OPRPN: variants seen among roughly 807,000 people sequenced by gnomAD.
OPRPN encodes basic proline-rich lacrimal protein.
In OPRPN, 1 loss-of-function variant was observed where a neutral mutation model predicts 2.2. The ratio of observed to expected loss-of-function variants is 0.45; its 90% CI spans 0.16 to 2.15. The LOEUF is 2.15. Ranked by LOEUF, OPRPN falls within the 30% of genes most tolerant of loss-of-function variation. The probability of loss-of-function intolerance (pLI) is 0.28; values close to 1 mark genes in which losing one functional copy is unlikely to be tolerated. For synonymous variants in OPRPN, 126 were observed against 111.5 expected (o/e 1.13, Z -0.82); for missense variants, 306 against 297.3 (o/e 1.03, Z -0.21).
intron 2 of OPRPN, among the ~76,000 whole-genome samples, chr4:70,406,138 T>A (rs1219212221): frequency 6.6e-6 from 1 of 152,034 alleles, no homozygotes; most frequent in African/African-American, 2.4e-5. Context: ...TACAGAGACA[T>A]TGTTTGAAGA....
chr4:70,407,983 A>T (rs1733129030), intron 2 of OPRPN, among the ~76,000 whole-genome samples: 1 of 152,184 alleles, frequency 6.6e-6, no homozygotes, highest in African/African-American at 2.4e-5. Flanking sequence ...AGTAGAAGTG[A>T]GGTATAGATG....
intron 2 of OPRPN, among the ~76,000 whole-genome samples, chr4:70,400,214 C>A (rs956323822): frequency 4.6e-5 from 7 of 151,766 alleles, no homozygotes; most frequent in Admixed American, 3.9e-4. Context: ...TACAGAAATA[C>A]CAAAGTCGAA....
At position 70,399,336 on chromosome 4, in the gene OPRPN, A is replaced by G. The variant is rs1732925469; in HGVS notation, c.51A>G (p.Thr17=). 7 of 1,586,344 alleles carry G rather than the reference A, an allele frequency of 4.4e-6. No homozygotes were observed. Among genetic ancestry groups the G allele is most frequent in the Non-Finnish European group, 5.2e-6 (6 of 1,157,066 alleles). ...TGTTGGCTCTTATTTCATGTTTCAC[A>G]GTAAGTTCCCTCAATTCTAAATTTA... is the stretch of plus-strand genomic sequence containing the variant. The part of the protein sequence containing the change: ...LGLLALISCF[T]PSESQRFSRR... Residue 17 remains threonine, a splice_region_variant and synonymous_variant, in exon 2 of 3, where the codon ACA becomes ACG. Transcript: ENST00000399575.
intron 2 of OPRPN, among the ~76,000 whole-genome samples, chr4:70,406,094 A>G (rs1375759920): frequency 6.6e-6 from 1 of 152,152 alleles, no homozygotes; most frequent in Non-Finnish European, 1.5e-5. Flanking sequence ...AGAACCTCCA[A>G]CGTGCCAGAA....
At chr4:70,402,937 T>C (rs1733013718) in intron 2 of OPRPN, among the ~76,000 whole-genome samples, 1 of 152,074 alleles carries the variant, frequency 6.6e-6, no homozygotes, top group East Asian at 1.9e-4. Context: ...TCAGGTCTCA[T>C]GGGCTTTTGC....
At chr4:70,398,619 TATATTG>T (rs931290046) in intron 1 of OPRPN, among the ~76,000 whole-genome samples, 26 of 151,914 alleles carry the variant, frequency 1.7e-4, no homozygotes, top group Non-Finnish European at 3.1e-4. Context: ...GTGCTTCTTA[TATATTG>T]TTGAAAATTA....
At chr4:70,409,287 T>C (rs1222664496) in intron 2 of OPRPN, 93 bp from the exon 3 acceptor site, 29 of 922,848 alleles carry the variant, frequency 3.1e-5, no homozygotes, top group Non-Finnish European at 4.2e-5. Flanking sequence ...GTTTACATAG[T>C]AGATATATTA....
At chr4:70,400,124 G>T (rs574964050) in intron 2 of OPRPN, among the ~76,000 whole-genome samples, 1 of 151,894 alleles carries the variant, frequency 6.6e-6, no homozygotes, top group African/African-American at 2.4e-5. Context: ...GTGGGCTTGC[G>T]AGGAGAGAAA....
intron 2 of OPRPN, among the ~76,000 whole-genome samples, chr4:70,399,935 A>ATT (rs1180888368): frequency 6.6e-6 from 1 of 152,000 alleles, no homozygotes; most frequent in Non-Finnish European, 1.5e-5. Flanking sequence ...AAAAGAAGTC[A>ATT]TTTACTCAAG....
chr4:70,409,672 G>T lies in OPRPN; in HGVS notation c.344G>T (p.Gly115Val). The T allele has an allele frequency of 6.2e-7, 1 of 1,613,728 alleles. No homozygotes were observed. Among genetic ancestry groups the T allele is most frequent in the Non-Finnish European group, 8.5e-7 (1 of 1,179,870 alleles). ...LHFPLRPYYV[G>V]PIRILKPPFP... ...TTCCCACTAAGACCTTACTATGTAGGACCTATTAGGATATTAAAACCCCCA... is the reference window on the plus strand; with the variant it reads ...TTCCCACTAAGACCTTACTATGTAGTACCTATTAGGATATTAAAACCCCCA... The change falls in exon 3 of 3, where the codon GGA becomes GTA. Residue 115 changes from glycine (G) to valine (V), a missense_variant. Physicochemically the swap from Gly to Val is moderately radical, Grantham distance 109 (BLOSUM62 -3). Transcript: ENST00000399575.
intron 2 of OPRPN, among the ~76,000 whole-genome samples, chr4:70,406,469 G>A (rs1030573697): frequency 6.6e-6 from 1 of 152,160 alleles, no homozygotes; most frequent in Non-Finnish European, 1.5e-5. Context: ...AATTTTGGCT[G>A]ATTTTATATT....
Position 70,401,959 on chromosome 4 carries a change from T to C in OPRPN, c.51+2623T>C, listed in dbSNP as rs543710927. ...TCTGGCAGTTTCTAATCCTTAAGAA[T>C]AGGAAATAGAAGTTTAAAAAAAGTA... On this transcript the variant is annotated intron_variant, in intron 2 of 2. Coordinates refer to ENST00000399575, the MANE Select transcript of OPRPN (RefSeq NM_021225.5). Among the ~76,000 whole-genome samples the C allele has an allele frequency of 2.8e-4, 42 of 152,048 alleles. 3 individuals carry two copies. The Middle Eastern group carries it at 0.027, about 99-fold the overall frequency.
In OPRPN at chr4:70,409,304, A is replaced by G. The variant is rs1577885425; in HGVS notation, c.52-76A>G. The stretch of plus-strand genomic sequence containing the variant: ...TTACATAGTAGATATATTAATACAT[A>G]GTATATCCTAATGTTTGAACTTTAA... On this transcript the variant is annotated intron_variant, in intron 2 of 2. Transcript: ENST00000399575. 14 of 1,123,152 alleles carry G rather than the reference A, an allele frequency of 1.2e-5. No individual in the cohort carries two copies. The East Asian group carries it at 3.4e-4, about 28-fold the overall frequency. 69.6% of individuals were successfully genotyped at this position (1,123,152 alleles called of 1,614,324 possible).
chr4:70,406,829 C>A (rs544781713), intron 2 of OPRPN, among the ~76,000 whole-genome samples: 1 of 152,114 alleles, frequency 6.6e-6, no homozygotes, highest in African/African-American at 2.4e-5. Flanking sequence ...TAGTTTGCTG[C>A]ACCAGTTCTA....
intron 2 of OPRPN, among the ~76,000 whole-genome samples, chr4:70,408,834 G>A (rs375671799): frequency 2.0e-5 from 3 of 152,076 alleles, no homozygotes; most frequent in East Asian, 3.8e-4. Context: ...GTATTGCCTT[G>A]TATTGTCATT....
At chr4:70,400,595 G>C (rs1016147069) in intron 2 of OPRPN, among the ~76,000 whole-genome samples, 2 of 151,726 alleles carry the variant, frequency 1.3e-5, no homozygotes, top group Non-Finnish European at 2.9e-5. Flanking sequence ...TGCATTCTAG[G>C]ATACTCTTAC....
rs767690096 is a variant in OPRPN, at chr4:70,409,919, C to T, written c.591C>T (p.Pro197=). Residue 197 remains proline, a synonymous_variant, in exon 3 of 3, where the codon CCC becomes CCT. Transcript: ENST00000399575. ...EPATSISAAT[P]AASTENTTQI... is the part of the protein sequence containing the mutation. The stretch of plus-strand genomic sequence containing the variant: ...CCACCTCCATATCAGCAGCAACCCC[C>T]GCAGCATCTACTGAAAATACTACTC... 58 of 1,613,892 alleles carry T rather than the reference C, an allele frequency of 3.6e-5. No homozygotes were observed. Among genetic ancestry groups the T allele is most frequent in the East Asian group, 8.9e-5 (4 of 44,890 alleles).
At chr4:70,399,221 C>G in intron 1 of OPRPN, 50 bp from the exon 2 acceptor site, 2 of 1,373,332 alleles carry the variant, frequency 1.5e-6, no homozygotes, top group Non-Finnish European at 1.0e-6. Context: ...TTCTGAAAAA[C>G]ACTGTTGATC....
chr4:70,399,453 A>G, intron 2 of OPRPN, 117 bp downstream of exon 2: 1 of 826,134 alleles, frequency 1.2e-6, no homozygotes. Context: ...CAGGCTGTTG[A>G]TAATTATGGA....
Sources: gnomAD v4.1 joint callset for allele counts (sites outside exome capture counted in the v4.1 genomes callset) on GRCh38, gnomAD v4.1.1 for gene constraint, MANE v1.5 for transcripts, NCBI Gene and HGNC (gene_info 2026-07-23, HGNC 2026-07-21) for gene names.